Variants in LMBR1 observed in about 807,000 individuals in gnomAD.
LMBR1 encodes the protein limb region 1 protein homolog.
A neutral mutation model predicts 73.9 loss-of-function variants in LMBR1; 52 were observed. The observed-to-expected ratio is 0.70, with a 90% CI of 0.56 to 0.89. The LOEUF is 0.89. Among genes scored for constraint, LMBR1 ranks in the 40% least tolerant of loss-of-function variants. The pLI is 0.00. For missense variants in LMBR1, 539 were observed against 579.8 expected (o/e 0.93, Z 0.72); for synonymous variants, 215 against 209.4 (o/e 1.03, Z -0.23).
At chr7:156,672,633 C>T (rs1158197003) in intron 4 of LMBR1, among the ~76,000 whole-genome samples, 1 of 152,188 alleles carries the variant, frequency 6.6e-6, no homozygotes, top group African/African-American at 2.4e-5. Flanking sequence ...TGGGATTGCT[C>T]CAGGCATCCT....
At chr7:156,695,867 G>GAAAAA (rs397957629) in intron 15 of LMBR1, among the ~76,000 whole-genome samples, 3,712 of 143,654 alleles carry the variant, frequency 0.026, 48 homozygotes, top group Middle Eastern at 0.034. Context: ...GACACTGATG[G>GAAAAA]AAAAAAAAAA....
chr7:156,816,558 A>G (rs1833949331), intron 4 of LMBR1, among the ~76,000 whole-genome samples: 1 of 152,202 alleles, frequency 6.6e-6, no homozygotes, highest in Non-Finnish European at 1.5e-5. Flanking sequence ...CTGATCAACC[A>G]GCTTTTTTCA....
rs747671015 is a variant in LMBR1, at chr7:156,685,607, G to A, written c.1388-1444C>T. On this transcript the variant is annotated intron_variant, in intron 16 of 16. Transcript: ENST00000353442. The surrounding 1 kb of genome is among the most constrained non-coding windows in gnomAD (Gnocchi z 4.1). ...GAACCTAGAAAAGCTGATGCGTGGC[G>A]CCAGGACATTACAACAGCCGCCACG... Among the ~76,000 whole-genome samples the A allele has an allele frequency of 2.0e-5, 3 of 152,188 alleles. No individual in the cohort carries two copies. Among genetic ancestry groups the A allele is most frequent in the South Asian group, 2.1e-4 (1 of 4,828 alleles).
chr7:156,793,966 G>A (rs1283347291), intron 5 of LMBR1, among the ~76,000 whole-genome samples: 2 of 151,208 alleles, frequency 1.3e-5, no homozygotes, highest in East Asian at 3.9e-4. Context: ...ACCATCTTCC[G>A]CTGGCCTCTT....
intron 15 of LMBR1, among the ~76,000 whole-genome samples, chr7:156,692,491 T>C (rs1047293242): frequency 1.3e-5 from 2 of 152,192 alleles, no homozygotes; most frequent in Non-Finnish European, 2.9e-5. Context: ...AGAGGCCAGA[T>C]TTTCCCTCTC....
At chr7:156,745,306 A>C (rs1819645704) in intron 9 of LMBR1, among the ~76,000 whole-genome samples, 1 of 152,178 alleles carries the variant, frequency 6.6e-6, no homozygotes, top group Non-Finnish European at 1.5e-5. Context: ...TTGTTAACTC[A>C]AGTGGGAACC....
intron 15 of LMBR1, among the ~76,000 whole-genome samples, chr7:156,690,925 G>T (rs558418196): frequency 1.3e-5 from 2 of 152,114 alleles, no homozygotes; most frequent in East Asian, 3.9e-4. Flanking sequence ...GCAATAATTA[G>T]ATTATAAAAT....
intron 5 of LMBR1, among the ~76,000 whole-genome samples, chr7:156,765,672 TAAAC>T (rs1473890199): frequency 6.6e-6 from 1 of 152,172 alleles, no homozygotes; most frequent in East Asian, 1.9e-4. Flanking sequence ...AGTCTATCAA[TAAAC>T]AGACAAAAGG....
At chr7:156,728,563 G>T in intron 11 of LMBR1, 81 bp downstream of exon 11, 1 of 927,086 alleles carries the variant, frequency 1.1e-6, no homozygotes, top group Non-Finnish European at 1.7e-6. Context: ...AAACCATTTA[G>T]CTGAGGGAGC....
chr7:156,706,269 A>G (rs140990108), intron 15 of LMBR1, among the ~76,000 whole-genome samples: 94 of 152,324 alleles, frequency 6.2e-4, no homozygotes, highest in African/African-American at 2.1e-3. Context: ...ACCAAGATTC[A>G]TAAAACAAAT....
chr7:156,751,890 CAGTT>C (rs2132730299), intron 9 of LMBR1, among the ~76,000 whole-genome samples: 1 of 152,286 alleles, frequency 6.6e-6, no homozygotes, highest in South Asian at 2.1e-4. Flanking sequence ...TTCCACTAGA[CAGTT>C]AGATCTTTAA....
At chr7:156,826,786 G>C (rs926792697) in intron 3 of LMBR1, 42 bp from the exon 4 acceptor site, 1 of 1,547,194 alleles carries the variant, frequency 6.5e-7, no homozygotes, top group East Asian at 2.3e-5. Context: ...ATCTGAAAAA[G>C]CAATGAACAC....
chr7:156,782,721 T>C (rs960310580), intron 5 of LMBR1, among the ~76,000 whole-genome samples: 15 of 152,168 alleles, frequency 9.9e-5, no homozygotes, highest in Non-Finnish European at 5.9e-5. Flanking sequence ...ATTTTTGTAT[T>C]TTTACTAGAG....
At chr7:156,754,975 T>A (rs1466066690) in intron 9 of LMBR1, among the ~76,000 whole-genome samples, 1 of 152,168 alleles carries the variant, frequency 6.6e-6, no homozygotes, top group Non-Finnish European at 1.5e-5. Context: ...TCCTAACACA[T>A]CACTTAAAGA....
intron 5 of LMBR1, chr7:156,779,683 T>C: frequency 7.8e-7 from 1 of 1,287,042 alleles, no homozygotes. Flanking sequence ...CTGTCATGTT[T>C]CTATGGTGAT....
intron 1 of LMBR1, among the ~76,000 whole-genome samples, 167 bp from the exon 2 acceptor site, chr7:156,837,052 G>A (rs1837759786): frequency 6.6e-6 from 1 of 152,048 alleles, no homozygotes; most frequent in African/African-American, 2.4e-5. Flanking sequence ...GGCTGGGCAT[G>A]GTGGCTCACA....
chr7:156,765,708 G>A (rs537849904), intron 5 of LMBR1, among the ~76,000 whole-genome samples: 24 of 152,010 alleles, frequency 1.6e-4, no homozygotes, highest in Middle Eastern at 3.2e-3. Flanking sequence ...TATCTTGCAC[G>A]TTTATGCAGA....
In LMBR1 at chr7:156,854,648, T is replaced by C. The variant is rs962297977; in HGVS notation, c.67-17763A>G. On this transcript the variant is annotated intron_variant, in intron 1 of 16. Transcript: ENST00000353442. ...AGAGACACCCAGCTTCAGCCCCCTC[T>C]AGCCTTCTTCACCTAAGGAAGGAGG... Among the ~76,000 whole-genome samples, 6 of 152,172 alleles carry C rather than the reference T, an allele frequency of 3.9e-5. No individual in the cohort carries two copies. The South Asian group carries it at 8.3e-4, about 21-fold the overall frequency.
At chr7:156,870,504 G>C (rs892308863) in intron 1 of LMBR1, among the ~76,000 whole-genome samples, 1 of 152,180 alleles carries the variant, frequency 6.6e-6, no homozygotes, top group Middle Eastern at 3.2e-3. Flanking sequence ...AGTGGCTCAC[G>C]CCTGTAATCC....
Sources: gnomAD v4.1 joint callset for allele counts (sites outside exome capture counted in the v4.1 genomes callset) on GRCh38, gnomAD v4.1.1 for gene constraint, Gnocchi (gnomAD v3.1) non-coding constraint, MANE v1.5 for transcripts, NCBI Gene and HGNC (gene_info 2026-07-23, HGNC 2026-07-21) for gene names.